The following DNMT3A variants were observed in gnomAD, a reference collection of about 807,000 sequenced individuals.
The protein encoded by DNMT3A is DNA methyltransferase 3 alpha.
A neutral mutation model predicts 117.6 loss-of-function variants in DNMT3A; 267 were observed. That is an observed-to-expected ratio of 2.27 (90% CI 2.05 to 2.51). DNMT3A has a LOEUF of 2.51. DNMT3A is among the 30% of genes most tolerant of loss of function. The pLI is 0.00. For missense variants in DNMT3A, 1,029 were observed against 1,260.2 expected, an observed-to-expected ratio of 0.82 and a Z score of 2.78; for synonymous variants, 432 against 474.8, an observed-to-expected ratio of 0.91 and a Z score of 1.17.
In DNMT3A at chr2:25,234,664, T is replaced by C. The variant is rs1673154256; in HGVS notation, c.2598-244A>G. 2.0e-5 allele frequency among the ~76,000 whole-genome samples: 3 copies of C among 152,174 alleles called. No homozygotes were observed. The highest frequency in any genetic ancestry group is 6.5e-5 in the Admixed American group (1 of 15,276). ...GGCACTGTGCTGGTTTCTGTGACCT[T>C]AAAGGTAGTAAGGTCATCACTGCCT... is the stretch of plus-strand genomic sequence containing the variant. On this transcript the variant is annotated intron_variant, in intron 22 of 22. Transcript: ENST00000321117. This position sits in a 1 kb window ranked among gnomAD's most constrained non-coding sequence, Gnocchi z 4.5.
intron 2 of DNMT3A, among the ~76,000 whole-genome samples, chr2:25,307,858 G>A (rs1001497189): frequency 1.3e-5 from 2 of 152,136 alleles, no homozygotes; most frequent in Non-Finnish European, 2.9e-5. Context: ...TCCCTAACCC[G>A]GCCATTAAGA....
chr2:25,236,358 C>T lies in DNMT3A; in HGVS notation c.2479-533G>A, dbSNP rs1648797835. Among the ~76,000 whole-genome samples, 1 of 152,340 alleles carries T rather than the reference C, an allele frequency of 6.6e-6. No individual in the cohort carries two copies. The highest frequency in any genetic ancestry group is 2.4e-5 in the African/African-American group (1 of 41,576). On this transcript the variant is annotated intron_variant, in intron 21 of 22. Coordinates refer to ENST00000321117, the MANE Select transcript of DNMT3A (RefSeq NM_022552.5). The surrounding 1 kb of genome is among the most constrained non-coding windows in gnomAD (Gnocchi z 4.5). The stretch of plus-strand genomic sequence containing the variant: ...GGGATTATAGGCGTGAGCCACCGCA[C>T]CCGGCCTAGCCACAGACTTTAGAAG...
At chr2:25,273,777 C>T (rs1046665220) in intron 6 of DNMT3A, among the ~76,000 whole-genome samples, 6 of 152,166 alleles carry the variant, frequency 3.9e-5, no homozygotes, top group African/African-American at 1.4e-4. Flanking sequence ...TTGTCCAACG[C>T]CATGGGCATG....
intron 1 of DNMT3A, among the ~76,000 whole-genome samples, chr2:25,338,623 C>T (rs763766241): frequency 4.6e-5 from 7 of 152,282 alleles, no homozygotes; most frequent in East Asian, 1.9e-4. Flanking sequence ...GAGGCCTCAC[C>T]GCTTGTCCAA....
chr2:25,334,685 G>A (rs1427714009), intron 1 of DNMT3A, among the ~76,000 whole-genome samples: 4 of 152,204 alleles, frequency 2.6e-5, no homozygotes, highest in South Asian at 2.1e-4. Context: ...TGCAGTCAGC[G>A]GCCTATTTTC....
Position 25,246,668 on chromosome 2 carries a change from G to A in DNMT3A, c.1231C>T (p.Leu411=), listed in dbSNP as rs1387282977. The change falls in exon 10 of 23, where the codon CTG becomes TTG. Residue 411 remains leucine, a synonymous_variant. Coordinates refer to ENST00000321117, the MANE Select transcript of DNMT3A (RefSeq NM_022552.5). Reference sequence around the variant, plus strand: ...GGGCCAGAAGGCTGGAAGCCCCCCAGGGCCCATTCAATCATGGGCTTGTTC... The same window carrying A: ...GGGCCAGAAGGCTGGAAGCCCCCCAAGGCCCATTCAATCATGGGCTTGTTC... ...VQNKPMIEWA[L]GGFQPSGPKG... is the part of the protein sequence containing the mutation. 3.7e-6 allele frequency: 6 copies of A among 1,613,478 alleles called. No individual in the cohort carries two copies. Among genetic ancestry groups the A allele is most frequent in the African/African-American group, 2.7e-5 (2 of 74,932 alleles).
At chr2:25,259,519 C>T (rs564777416) in intron 6 of DNMT3A, among the ~76,000 whole-genome samples, 10 of 152,302 alleles carry the variant, frequency 6.6e-5, no homozygotes, top group Admixed American at 1.3e-4. Flanking sequence ...CTAAATATTA[C>T]AGATAAAATC....
At chr2:25,244,847 G>A (rs1674548603) in intron 13 of DNMT3A, among the ~76,000 whole-genome samples, 195 bp from the exon 14 acceptor site, 1 of 152,210 alleles carries the variant, frequency 6.6e-6, no homozygotes, top group Non-Finnish European at 1.5e-5. Flanking sequence ...GCCATGGACA[G>A]AACCAAAGAG....
chr2:25,288,237 A>G (rs938432637), intron 3 of DNMT3A, among the ~76,000 whole-genome samples: 2 of 150,374 alleles, frequency 1.3e-5, no homozygotes, highest in African/African-American at 2.4e-5. Flanking sequence ...GATTGAGACC[A>G]TCCTGGCTAA....
At chr2:25,256,655 G>C (rs1401213637) in intron 6 of DNMT3A, among the ~76,000 whole-genome samples, 1 of 151,598 alleles carries the variant, frequency 6.6e-6, no homozygotes, top group Non-Finnish European at 1.5e-5. Flanking sequence ...TGCTGCCCTG[G>C]CCCCTCACCC....
In DNMT3A at chr2:25,245,269, A is replaced by G; in HGVS notation, c.1538T>C (p.Met513Thr). The G allele has an allele frequency of 6.2e-7, 1 of 1,613,900 alleles. No individual in the cohort carries two copies. The highest frequency in any genetic ancestry group is 1.6e-4 in the Middle Eastern group (1 of 6,062). ...TGCTCCTACCTTGCAGTTTTGGCACATTCCTCCAACGAAGAGGGGGTGTTC... is the reference window on the plus strand; with the variant it reads ...TGCTCCTACCTTGCAGTTTTGGCACGTTCCTCCAACGAAGAGGGGGTGTTC... The part of the protein sequence containing the change: ...TLEHPLFVGG[M>T]CQNCKNCFLE... The change falls in exon 13 of 23, where the codon ATG becomes ACG. Residue 513 changes from methionine to threonine, a missense_variant. Coordinates refer to ENST00000321117, the MANE Select transcript of DNMT3A (RefSeq NM_022552.5).
At chr2:25,320,049 C>A (rs925672138) in intron 1 of DNMT3A, among the ~76,000 whole-genome samples, 1 of 152,162 alleles carries the variant, frequency 6.6e-6, no homozygotes, top group Admixed American at 6.5e-5. Flanking sequence ...GGATTAGAGG[C>A]GTGAGCCACT....
chr2:25,305,663 G>A lies in DNMT3A; in HGVS notation c.73-5420C>T, dbSNP rs939289360. On this transcript the variant is annotated intron_variant, in intron 2 of 22. Transcript: ENST00000321117. The surrounding 1 kb of genome is among the most constrained non-coding windows in gnomAD (Gnocchi z 4.1). ...TACATCTTTTGTTTACCAGTCCATCGGTCTTTCTACTGCAACATGCCACTA... is the reference window on the plus strand; with the variant it reads ...TACATCTTTTGTTTACCAGTCCATCAGTCTTTCTACTGCAACATGCCACTA... 6.6e-6 allele frequency among the ~76,000 whole-genome samples: 1 copy of A among 152,110 alleles called. No individual in the cohort carries two copies. The highest frequency in any genetic ancestry group is 6.6e-5 in the Admixed American group (1 of 15,266).
At position 25,240,322 on chromosome 2, in the gene DNMT3A, C is replaced by A. The variant is rs767983115; in HGVS notation, c.2302G>T (p.Asp768Tyr). The change falls in exon 19 of 23, where the codon GAC (aspartate) becomes TAC (tyrosine). Residue 768 changes from aspartate (D) to tyrosine (Y), a missense_variant. Physicochemically the swap from Asp to Tyr is radical, Grantham distance 160. Coordinates refer to ENST00000321117, the MANE Select transcript of DNMT3A (RefSeq NM_022552.5). ...TATACCTCGAGAAATCGCGAGATGT[C>A]CCTCTTGTCACTAACGCCCATGGCC... ...VVAMGVSDKR[D>Y]ISRFLESNPV... 1 of 1,614,226 alleles carries A rather than the reference C, an allele frequency of 6.2e-7. No homozygotes were observed.
chr2:25,302,689 C>A (rs1008766785), intron 2 of DNMT3A, among the ~76,000 whole-genome samples: 1 of 152,278 alleles, frequency 6.6e-6, no homozygotes, highest in South Asian at 2.1e-4. Context: ...CCCAGACCCC[C>A]GAGTGTAAGA....
In DNMT3A at chr2:25,228,466, G is replaced by GT. The variant is rs1030420173; in HGVS notation, c.*5812dup. ...AAGTTATTACCAAATCAGCTACGGAGTTTATTCTTCAGTATGAATACATGA... is the reference window on the plus strand; with the variant it reads ...AAGTTATTACCAAATCAGCTACGGAGTTTTATTCTTCAGTATGAATACATGA... On this transcript the variant is annotated 3_prime_UTR_variant, in exon 23 of 23. Transcript: ENST00000321117. 1 of 151,900 alleles carries GT rather than the reference G, an allele frequency of 6.6e-6. No individual in the cohort carries two copies. The highest frequency in any genetic ancestry group is 1.5e-5 in the Non-Finnish European group (1 of 68,006). The allele number at this position is 151,900 out of a possible 1,614,324, so 9.4% of individuals were successfully genotyped here.
chr2:25,315,577 A>G (rs2034341142), intron 1 of DNMT3A, among the ~76,000 whole-genome samples: 2 of 152,204 alleles, frequency 1.3e-5, no homozygotes, highest in Non-Finnish European at 2.9e-5. Flanking sequence ...TCCATCGGCC[A>G]CATGCCACTC....
chr2:25,290,971 A>G (rs887851398), intron 3 of DNMT3A, among the ~76,000 whole-genome samples: 1 of 152,152 alleles, frequency 6.6e-6, no homozygotes, highest in Admixed American at 6.5e-5. Flanking sequence ...TGTGAGATCC[A>G]TTCCATGCCA....
At position 25,257,178 on chromosome 2, in the gene DNMT3A, G is replaced by A. The variant is rs774751243; in HGVS notation, c.640-8926C>T. Among the ~76,000 whole-genome samples the A allele has an allele frequency of 9.9e-5, 15 of 152,234 alleles. No homozygotes were observed. The highest frequency in any genetic ancestry group is 2.1e-4 in the Non-Finnish European group (14 of 68,050). On this transcript the variant is annotated intron_variant, in intron 6 of 22. Transcript: ENST00000321117. This position sits in a 1 kb window ranked among gnomAD's most constrained non-coding sequence, Gnocchi z 4.8. ...TAAAAATAGCCATGAAGCCAACAGC[G>A]TGGAGTTAGCAGGACTTGTTGCTAA...
Sources: allele counts gnomAD v4.1 joint callset (sites outside exome capture counted in the v4.1 genomes callset), GRCh38; gene constraint gnomAD v4.1.1; non-coding constraint Gnocchi (gnomAD v3.1); transcripts MANE v1.5; gene names NCBI Gene and HGNC (gene_info 2026-07-23, HGNC 2026-07-21).